The following BBOF1 variants were observed in gnomAD, a reference collection of about 807,000 sequenced individuals.
The protein encoded by BBOF1 is basal body orientation factor 1.
Under a neutral mutation model 68.0 loss-of-function variants are expected in BBOF1, and 62 were observed. The ratio of observed to expected loss-of-function variants is 0.91; its 90% CI spans 0.74 to 1.13. The LOEUF (loss-of-function observed/expected upper bound fraction) is 1.13. Among genes scored for constraint, BBOF1 ranks in the 50% most tolerant of loss-of-function variants. The probability of loss-of-function intolerance (pLI) is 0.00; values close to 1 mark genes in which losing one functional copy is unlikely to be tolerated. For missense variants in BBOF1, 534 were observed against 600.1 expected (o/e 0.89, Z 1.15); for synonymous variants, 208 against 198.8 (o/e 1.05, Z -0.39).
downstream of BBOF1, chr14:74,067,490 C>T: frequency 1.9e-6 from 3 of 1,614,210 alleles, no homozygotes; most frequent in Non-Finnish European, 2.5e-6. Flanking sequence ...ACCAGCAGCT[C>T]CAAATGCTGC....
At chr14:74,070,957 G>A, downstream of BBOF1, 1 of 547,698 alleles carries the variant, frequency 1.8e-6, no homozygotes. Flanking sequence ...TCTGTGTCTA[G>A]CCCTAATCCA....
Position 74,061,373 on chromosome 14 carries a change from C to T in BBOF1, c.1579-3315C>T, listed in dbSNP as rs558284354. Among the ~76,000 whole-genome samples, 205 of 152,196 alleles carry T rather than the reference C, an allele frequency of 1.3e-3. 1 individual carries two copies. The highest frequency in any genetic ancestry group is 4.7e-3 in the African/African-American group (197 of 41,526). Reference sequence around the variant, plus strand: ...CTGGAGTGCAGTGGTGTGATCTTGGCTCACTGCAACCTCTGCCTCCCAGGT... The same window carrying T: ...CTGGAGTGCAGTGGTGTGATCTTGGTTCACTGCAACCTCTGCCTCCCAGGT... On this transcript the variant is annotated intron_variant, in intron 11 of 11. Coordinates refer to ENST00000394009, the MANE Select transcript of BBOF1 (RefSeq NM_025057.3).
At chr14:74,056,770 T>A in intron 9 of BBOF1, 136 bp from the exon 10 acceptor site, 1 of 639,752 alleles carries the variant, frequency 1.6e-6, no homozygotes, top group Non-Finnish European at 2.8e-6. Context: ...ACATCTCACG[T>A]ACCCCACAAA....
intron 9 of BBOF1, chr14:74,075,083 AGC>A: frequency 2.1e-6 from 3 of 1,462,594 alleles, no homozygotes; most frequent in Non-Finnish European, 1.9e-6. Context: ...TTTAGCAAAT[AGC>A]TACTATATGC....
chr14:74,055,836 C>A, intron 9 of BBOF1, 151 bp downstream of exon 9: 1 of 550,278 alleles, frequency 1.8e-6, no homozygotes, highest in Non-Finnish European at 3.2e-6. Flanking sequence ...TACTGCAGCT[C>A]CCAGAGATAA....
At chr14:74,063,504 T>C (rs1458793243) in intron 11 of BBOF1, among the ~76,000 whole-genome samples, 3 of 152,048 alleles carry the variant, frequency 2.0e-5, no homozygotes, top group South Asian at 2.1e-4. Flanking sequence ...AATTCAGTCC[T>C]TACAATGTTA....
intron 2 of BBOF1, among the ~76,000 whole-genome samples, chr14:74,028,567 A>T (rs1478978131): frequency 6.6e-6 from 1 of 150,542 alleles, no homozygotes; most frequent in Non-Finnish European, 1.5e-5. Flanking sequence ...ATAGTATGGG[A>T]ATTTTTTGTA....
chr14:74,021,553 C>G (rs2059297552), intron 1 of BBOF1, among the ~76,000 whole-genome samples: 1 of 150,302 alleles, frequency 6.7e-6, no homozygotes, highest in African/African-American at 2.5e-5. Context: ...GGTGCTACTG[C>G]ACTACAGCCT....
intron 11 of BBOF1, among the ~76,000 whole-genome samples, chr14:74,061,666 G>T (rs1411941375): frequency 1.3e-5 from 2 of 152,072 alleles, no homozygotes; most frequent in Non-Finnish European, 2.9e-5. Flanking sequence ...GCTCTATATT[G>T]AAGTGGCAAA....
intron 11 of BBOF1, 98 bp downstream of exon 11, chr14:74,057,356 G>A (rs1270822207): frequency 6.3e-7 from 1 of 1,578,862 alleles, no homozygotes; most frequent in Non-Finnish European, 8.6e-7. Flanking sequence ...CTAGTTGAGA[G>A]ACTTCAGGGA....
chr14:74,075,678 T>C (rs2060605074), intron 9 of BBOF1, among the ~76,000 whole-genome samples: 2 of 151,872 alleles, frequency 1.3e-5, no homozygotes, highest in African/African-American at 4.8e-5. Context: ...TCAATGTAAA[T>C]ATAAATATAA....
intron 9 of BBOF1, among the ~76,000 whole-genome samples, chr14:74,074,319 G>A (rs1370283101): frequency 1.3e-4 from 17 of 133,914 alleles, no homozygotes; most frequent in Admixed American, 8.3e-5. Flanking sequence ...ACGGAGTCTC[G>A]CTCTGTCATC....
rs146303009 is a variant in BBOF1 at position 74,045,036 on chromosome 14, C to G, written c.577-1024C>G. ...AACATGAGCGAGCAGGCCCGGCCAACCTTTCTGTTTCTGTTTCCTCAGTCC... is the reference window on the plus strand; with the variant it reads ...AACATGAGCGAGCAGGCCCGGCCAAGCTTTCTGTTTCTGTTTCCTCAGTCC... On this transcript the variant is annotated intron_variant, in intron 5 of 11. Transcript: ENST00000394009. Among the ~76,000 whole-genome samples, 7 of 152,248 alleles carry G rather than the reference C, an allele frequency of 4.6e-5. No individual in the cohort carries two copies. In the East Asian group the frequency reaches 1.4e-3, roughly 29 times the overall value.
intron 5 of BBOF1, among the ~76,000 whole-genome samples, chr14:74,042,526 A>G (rs113056696): frequency 4.6e-5 from 7 of 152,334 alleles, no homozygotes; most frequent in African/African-American, 1.7e-4. Flanking sequence ...AGTTAACTGC[A>G]GTTTGAAGCT....
rs764356053 is a variant in BBOF1, at chr14:74,065,188, A to G, written c.*489A>G. The G allele has an allele frequency of 1.1e-5, 18 of 1,614,144 alleles. No homozygotes were observed. Among genetic ancestry groups the G allele is most frequent in the East Asian group, 2.2e-5 (1 of 44,888 alleles). Reference sequence around the variant, plus strand: ...AAAATTCTGTTCACGAACCTGTCCAACATCCACCAAGTGGGCATATTTCCG... The same window carrying G: ...AAAATTCTGTTCACGAACCTGTCCAGCATCCACCAAGTGGGCATATTTCCG... On this transcript the variant is annotated 3_prime_UTR_variant, in exon 12 of 12. Transcript: ENST00000394009.
At chr14:74,056,306 T>A (rs1465580645) in intron 9 of BBOF1, among the ~76,000 whole-genome samples, 2 of 151,482 alleles carry the variant, frequency 1.3e-5, no homozygotes, top group African/African-American at 4.9e-5. Context: ...TTCAAGTGAT[T>A]CTCGTGCTTC....
intron 8 of BBOF1, among the ~76,000 whole-genome samples, chr14:74,050,400 A>G (rs1305845319): frequency 6.6e-6 from 1 of 152,082 alleles, no homozygotes; most frequent in Non-Finnish European, 1.5e-5. Flanking sequence ...TTCTTAGTAT[A>G]TTCCCCTCTG....
chr14:74,043,406 C>T (rs550087926), intron 5 of BBOF1, among the ~76,000 whole-genome samples: 15 of 149,096 alleles, frequency 1.0e-4, no homozygotes, highest in African/African-American at 2.2e-4. Flanking sequence ...AAAAATTAGC[C>T]GGGCGCGGTG....
downstream of BBOF1, among the ~76,000 whole-genome samples, chr14:74,068,371 T>A (rs1303339975): frequency 2.1e-5 from 3 of 144,138 alleles, no homozygotes; most frequent in Non-Finnish European, 4.5e-5. Context: ...AGAGTAAGAC[T>A]CTGTCTCAAA....
Sources: gnomAD v4.1 joint callset for allele counts (sites outside exome capture counted in the v4.1 genomes callset) on GRCh38, gnomAD v4.1.1 for gene constraint, MANE v1.5 for transcripts, NCBI Gene and HGNC (gene_info 2026-07-23, HGNC 2026-07-21) for gene names.